The following RAB22A variants were observed in gnomAD, a reference collection of about 807,000 sequenced individuals.
RAB22A encodes ras-related protein Rab-22A.
RAB22A carries 13 observed loss-of-function variants against 30.2 expected under a neutral mutation model. That is an observed-to-expected ratio of 0.43 (90% CI 0.28 to 0.68). The LOEUF is 0.68. Among genes scored for constraint, RAB22A ranks in the 30% least tolerant of loss-of-function variants. The pLI, the probability that RAB22A is intolerant of heterozygous loss-of-function variation, is 0.18. For missense variants in RAB22A, 177 were observed against 246.8 expected (o/e 0.72, Z 1.89); for synonymous variants, 89 against 87.2 (o/e 1.02, Z -0.11).
At chr20:58,316,266 A>G (rs1986335938) in intron 2 of RAB22A, among the ~76,000 whole-genome samples, 1 of 152,128 alleles carries the variant, frequency 6.6e-6, no homozygotes, top group African/African-American at 2.4e-5. Flanking sequence ...CCCTCCCTGC[A>G]CCAGGTCCCC....
At chr20:58,315,536 A>G (rs1164436032) in intron 2 of RAB22A, among the ~76,000 whole-genome samples, 12 of 138,694 alleles carry the variant, frequency 8.7e-5, no homozygotes, top group Non-Finnish European at 1.8e-4. Context: ...CGCAAGTGAC[A>G]GGGTCACTCT....
At chr20:58,335,469 T>C (rs1986732842) in intron 2 of RAB22A, among the ~76,000 whole-genome samples, 1 of 152,102 alleles carries the variant, frequency 6.6e-6, no homozygotes, top group Admixed American at 6.5e-5. Flanking sequence ...TATACTTAGG[T>C]TGGATGATCT....
At chr20:58,340,127 G>A (rs77508997) in intron 2 of RAB22A, among the ~76,000 whole-genome samples, 7,980 of 152,272 alleles carry the variant, frequency 0.052, 268 homozygotes, top group South Asian at 0.11. Flanking sequence ...GAGCTGTGAC[G>A]TGGGGTTGGG....
chr20:58,329,533 C>A (rs1321239901), intron 2 of RAB22A, among the ~76,000 whole-genome samples: 1 of 152,092 alleles, frequency 6.6e-6, no homozygotes, highest in Non-Finnish European at 1.5e-5. Context: ...GCTCTTAAGA[C>A]CTATTCTTTA....
intron 2 of RAB22A, among the ~76,000 whole-genome samples, chr20:58,333,134 G>A (rs969156377): frequency 3.9e-5 from 6 of 151,992 alleles, no homozygotes; most frequent in Non-Finnish European, 5.9e-5. Context: ...ACAAAAATTA[G>A]CAGGGTGTGG....
rs1043313450 is a variant in RAB22A at position 58,327,690 on chromosome 20, A to G, written c.117-16028A>G. ...GGAATAACCTCCATGCTTGAAAGTA[A>G]GAGTATCCAAAAAAAAGAGTGAATT... is the stretch of plus-strand genomic sequence containing the variant. On this transcript the variant is annotated intron_variant, in intron 2 of 6. Transcript: ENST00000244040. Among the ~76,000 whole-genome samples, 9 of 152,210 alleles carry G rather than the reference A, an allele frequency of 5.9e-5. No homozygotes were observed. The South Asian group carries it at 1.9e-3, about 32-fold the overall frequency.
intron 2 of RAB22A, among the ~76,000 whole-genome samples, chr20:58,312,472 C>CTTTTTTGTTTTTTTTTTT (rs1986247697): frequency 2.6e-5 from 1 of 38,710 alleles, no homozygotes; most frequent in African/African-American, 9.9e-5. Flanking sequence ...GGCTGGTTTT[C>CTTTTTTGTTTTTTTTTTT]TTTTTTTTTT....
intron 3 of RAB22A, among the ~76,000 whole-genome samples, chr20:58,348,220 C>T (rs569198848): frequency 1.3e-5 from 2 of 152,082 alleles, no homozygotes; most frequent in East Asian, 3.9e-4. Flanking sequence ...GAGTGAGACT[C>T]CATCTCAAAA....
Position 58,363,351 on chromosome 20 carries a change from TTAC to T in RAB22A, c.*3650_*3652del, listed in dbSNP as rs1350365162. On this transcript the variant is annotated 3_prime_UTR_variant, in exon 7 of 7. Transcript: ENST00000244040. ...GTATAAGATATAGGTGCACAGTATGTTACTTAAGTAACGGATGAGCCCCCCTAA... is the reference window on the plus strand; with the variant it reads ...GTATAAGATATAGGTGCACAGTATGTTTAAGTAACGGATGAGCCCCCCTAA... 2 of 152,228 alleles carry T rather than the reference TTAC, an allele frequency of 1.3e-5. No homozygotes were observed. The highest frequency in any genetic ancestry group is 2.4e-5 in the African/African-American group (1 of 41,472). 9.4% of individuals were successfully genotyped at this position (152,228 alleles called of 1,614,324 possible). A position where few individuals can be genotyped will look rare whatever the true frequency, so the allele number is the denominator to read the frequency against.
At chr20:58,339,312 G>A (rs1284648154) in intron 2 of RAB22A, among the ~76,000 whole-genome samples, 1 of 152,204 alleles carries the variant, frequency 6.6e-6, no homozygotes, top group Non-Finnish European at 1.5e-5. Context: ...TGGTTTAGTA[G>A]TGAAAAATAA....
chr20:58,347,400 A>G (rs1469211707), intron 3 of RAB22A, among the ~76,000 whole-genome samples: 4 of 152,254 alleles, frequency 2.6e-5, no homozygotes, highest in Non-Finnish European at 5.9e-5. Context: ...GGATGATGAT[A>G]TAAGTGCTTC....
intron 2 of RAB22A, among the ~76,000 whole-genome samples, chr20:58,329,520 G>A (rs144866087): frequency 1.6e-3 from 248 of 151,998 alleles, no homozygotes; most frequent in African/African-American, 5.9e-3. Context: ...TCATTCTCTG[G>A]CTGCTCTTAA....
At chr20:58,317,089 A>G (rs1986355560) in intron 2 of RAB22A, among the ~76,000 whole-genome samples, 1 of 152,098 alleles carries the variant, frequency 6.6e-6, no homozygotes, top group Non-Finnish European at 1.5e-5. Context: ...AACCCTGGGC[A>G]GTTTATTTTA....
In RAB22A at chr20:58,364,480, T is replaced by A. The variant is rs775849788; in HGVS notation, c.*4777T>A. On this transcript the variant is annotated 3_prime_UTR_variant, in exon 7 of 7. Coordinates refer to ENST00000244040, the MANE Select transcript of RAB22A (RefSeq NM_020673.3). Reference sequence around the variant, plus strand: ...TCCCAAACCTTCCATCTATCCCTTTTATTACGTTGAACATTTTAGATAGTA... The same window carrying A: ...TCCCAAACCTTCCATCTATCCCTTTAATTACGTTGAACATTTTAGATAGTA... 36 of 152,230 alleles carry A rather than the reference T, an allele frequency of 2.4e-4. No homozygotes were observed. The highest frequency in any genetic ancestry group is 7.8e-4 in the Admixed American group (12 of 15,290). The allele number at this position is 152,230 out of a possible 1,614,324, so 9.4% of individuals were successfully genotyped here. A position where few individuals can be genotyped will look rare whatever the true frequency, so the allele number is the denominator to read the frequency against.
At chr20:58,353,591 A>G in intron 5 of RAB22A, 53 bp downstream of exon 5, 2 of 1,354,022 alleles carry the variant, frequency 1.5e-6, no homozygotes, top group East Asian at 2.3e-5. Context: ...CCTTTTCTTA[A>G]TAAGCAATAT....
In RAB22A at chr20:58,366,722, T is replaced by C. The variant is rs958288839; in HGVS notation, c.*7019T>C. On this transcript the variant is annotated 3_prime_UTR_variant, in exon 7 of 7. Coordinates refer to ENST00000244040, the MANE Select transcript of RAB22A (RefSeq NM_020673.3). ...TCAGAAAGAGAATAGCAGCGCTCGC[T>C]TACCGTGGGAACACGGCCAGTTAAC... is the stretch of plus-strand genomic sequence containing the variant. The C allele has an allele frequency of 2.0e-5, 3 of 152,264 alleles. No individual in the cohort carries two copies. Among genetic ancestry groups the C allele is most frequent in the African/African-American group, 4.8e-5 (2 of 41,470 alleles). The allele number at this position is 152,264 out of a possible 1,614,324, so 9.4% of individuals were successfully genotyped here.
intron 5 of RAB22A, among the ~76,000 whole-genome samples, chr20:58,353,876 A>T (rs1288437452): frequency 1.3e-5 from 2 of 152,216 alleles, no homozygotes; most frequent in Non-Finnish European, 2.9e-5. Flanking sequence ...CACTTCCATC[A>T]TTCCCAAAGC....
intron 5 of RAB22A, 88 bp downstream of exon 5, chr20:58,353,626 T>C: frequency 8.8e-7 from 1 of 1,132,060 alleles, no homozygotes; most frequent in East Asian, 2.6e-5. Flanking sequence ...TTGCTTTTAT[T>C]TTATCTCTGA....
chr20:58,357,409 C>G (rs1987149870), intron 6 of RAB22A, among the ~76,000 whole-genome samples: 3 of 151,966 alleles, frequency 2.0e-5, no homozygotes, highest in Non-Finnish European at 2.9e-5. Flanking sequence ...GTATGGCTTG[C>G]CTTTGATTTT....
Sources: allele counts gnomAD v4.1 joint callset (sites outside exome capture counted in the v4.1 genomes callset), GRCh38; gene constraint gnomAD v4.1.1; transcripts MANE v1.5; gene names NCBI Gene and HGNC (gene_info 2026-07-23, HGNC 2026-07-21).